Variants in MYLK4 observed in about 807,000 individuals in gnomAD.
MYLK4 encodes the protein caMLCK like.
Under a neutral mutation model 48.1 loss-of-function variants are expected in MYLK4, and 46 were observed. The ratio of observed to expected loss-of-function variants is 0.96; its 90% confidence interval spans 0.75 to 1.22. The LOEUF (loss-of-function observed/expected upper bound fraction) is 1.22. Ranked by LOEUF, MYLK4 falls within the 50% of genes most tolerant of loss-of-function variation. The pLI, the probability that MYLK4 is intolerant of heterozygous loss-of-function variation, is 0.00. For missense variants in MYLK4, 451 were observed against 486.1 expected (o/e 0.93, Z 0.68); for synonymous variants, 170 against 180.8 (o/e 0.94, Z 0.48).
chr6:2,699,873 G>C (rs1484976375), intron 2 of MYLK4, among the ~76,000 whole-genome samples: 1 of 152,120 alleles, frequency 6.6e-6, no homozygotes, highest in East Asian at 1.9e-4. Context: ...TGGGGGTCCA[G>C]GCTGTGGGTC....
At chr6:2,731,220 G>C (rs9405582) in intron 2 of MYLK4, among the ~76,000 whole-genome samples, 18 of 151,920 alleles carry the variant, frequency 1.2e-4, no homozygotes, top group African/African-American at 4.3e-4. Flanking sequence ...TCCCAGGAAT[G>C]AATCCTGGAA....
At chr6:2,702,926 G>T (rs2113219836) in intron 2 of MYLK4, among the ~76,000 whole-genome samples, 1 of 152,284 alleles carries the variant, frequency 6.6e-6, no homozygotes, top group African/African-American at 2.4e-5. Flanking sequence ...GAACTCTTCG[G>T]GTTCTTGTCT....
At chr6:2,715,007 A>G (rs4959706) in intron 2 of MYLK4, among the ~76,000 whole-genome samples, 129,608 of 152,038 alleles carry the variant, frequency 0.85, 55,334 homozygotes, top group Admixed American at 0.89. Flanking sequence ...GCTCACTCCT[A>G]TAATCCCAGC....
Position 2,703,665 on chromosome 6 carries a change from C to CTTTTTTTT in MYLK4, c.160-10814_160-10807dup, listed in dbSNP as rs3055234. ...TCAGGAAGGTTTCCCTTTGTGAATT[C>CTTTTTTTT]TTTTTTTTTTTTTTTTTTTTTTTTG... On this transcript the variant is annotated intron_variant, in intron 2 of 12. Transcript: ENST00000274643. Among the ~76,000 whole-genome samples, 272 of 95,110 alleles carry CTTTTTTTT rather than the reference C, an allele frequency of 2.9e-3. 15 individuals carry two copies. The highest frequency in any genetic ancestry group is 5.8e-3 in the African/African-American group (142 of 24,484). 62.4% of individuals were successfully genotyped at this position (95,110 alleles called of 152,430 possible). A position where few individuals can be genotyped will look rare whatever the true frequency, so the allele number is the denominator to read the frequency against.
upstream of MYLK4, among the ~76,000 whole-genome samples, chr6:2,751,737 T>A (rs560727762): frequency 6.0e-5 from 9 of 149,368 alleles, no homozygotes; most frequent in East Asian, 9.7e-4. Flanking sequence ...CTGCTTCTTT[T>A]AAAAAAAAAA....
upstream of MYLK4, among the ~76,000 whole-genome samples, chr6:2,755,024 T>C (rs17135674): frequency 0.16 from 23,954 of 152,130 alleles, 2,083 homozygotes; most frequent in East Asian, 0.32. Context: ...TGTTATGGAA[T>C]ATCCAGATTT....
chr6:2,753,998 C>CAAAAAA (rs199757208), upstream of MYLK4, among the ~76,000 whole-genome samples: 1 of 105,118 alleles, frequency 9.5e-6, no homozygotes. Context: ...CCATCTCTAC[C>CAAAAAA]AAAAAAAAAA....
At position 2,667,111 on chromosome 6, in the gene MYLK4, T is replaced by TATTTCAAAGGTCAGA. The variant is rs1159527016; in HGVS notation, c.*799_*813dup. 1 of 152,214 alleles carries TATTTCAAAGGTCAGA rather than the reference T, an allele frequency of 6.6e-6. No homozygotes were observed. Among genetic ancestry groups the TATTTCAAAGGTCAGA allele is most frequent in the African/African-American group, 2.4e-5 (1 of 41,440 alleles). 9.4% of individuals were successfully genotyped at this position (152,214 alleles called of 1,614,324 possible). On this transcript the variant is annotated 3_prime_UTR_variant, in exon 13 of 13. Transcript: ENST00000274643. ...GGAAACCTGTTGTGACTGTTGACAT[T>TATTTCAAAGGTCAGA]ATTTCAAAGGTCAGAATTTCAAAGT...
At position 2,672,176 on chromosome 6, in the gene MYLK4, A is replaced by G. The variant is rs553347236; in HGVS notation, c.1120-828T>C. 6.6e-6 allele frequency among the ~76,000 whole-genome samples: 1 copy of G among 152,312 alleles called. No homozygotes were observed. The highest frequency in any genetic ancestry group is 2.1e-4 in the South Asian group (1 of 4,822). Reference sequence around the variant, plus strand: ...AGGCTTCTTAGCTCTGGGGGAAAGAAAACATGTCAAATTTGTGTCGTGTTC... The same window carrying G: ...AGGCTTCTTAGCTCTGGGGGAAAGAGAACATGTCAAATTTGTGTCGTGTTC... On this transcript the variant is annotated intron_variant, in intron 11 of 12. Transcript: ENST00000274643. This position sits in a 1 kb window ranked among gnomAD's most constrained non-coding sequence, Gnocchi z 4.3.
At chr6:2,747,225 T>G (rs545365324) in intron 2 of MYLK4, among the ~76,000 whole-genome samples, 2 of 152,168 alleles carry the variant, frequency 1.3e-5, no homozygotes, top group Non-Finnish European at 2.9e-5. Flanking sequence ...GCAGTCTCAA[T>G]TTTTCCCTCA....
intron 7 of MYLK4, among the ~76,000 whole-genome samples, chr6:2,682,454 T>C (rs894722176): frequency 2.0e-5 from 3 of 152,138 alleles, no homozygotes; most frequent in African/African-American, 7.2e-5. Context: ...TTTCCACCAT[T>C]GGCAGTGGGG....
chr6:2,766,398 A>G, the MYLK4 span: 8 of 1,606,672 alleles, frequency 5.0e-6, no homozygotes, highest in Non-Finnish European at 6.8e-6. Context: ...CTGGAGACCA[A>G]CGAAATCCCC....
At chr6:2,691,749 A>G (rs756834818) in intron 3 of MYLK4, among the ~76,000 whole-genome samples, 4 of 152,222 alleles carry the variant, frequency 2.6e-5, no homozygotes, top group Admixed American at 6.5e-5. Flanking sequence ...ATCTTTGTCT[A>G]CCAGTTGGTA....
chr6:2,704,140 G>A (rs934124219), intron 2 of MYLK4, among the ~76,000 whole-genome samples: 2 of 152,196 alleles, frequency 1.3e-5, no homozygotes, highest in Admixed American at 6.5e-5. Flanking sequence ...GACAAACACT[G>A]ATTGATTGAC....
At chr6:2,724,594 A>C (rs1348472644) in intron 2 of MYLK4, among the ~76,000 whole-genome samples, 1 of 152,236 alleles carries the variant, frequency 6.6e-6, no homozygotes, top group African/African-American at 2.4e-5. Flanking sequence ...CATCCTTCAG[A>C]CTTTTATGAT....
chr6:2,699,075 T>C (rs1490281962), intron 2 of MYLK4, among the ~76,000 whole-genome samples: 2 of 152,064 alleles, frequency 1.3e-5, no homozygotes, highest in Non-Finnish European at 2.9e-5. Flanking sequence ...CACCCACAAT[T>C]ATGTGCACAG....
At position 2,685,276 on chromosome 6, in the gene MYLK4, G is replaced by C; in HGVS notation, c.545+20C>G. On this transcript the variant is annotated intron_variant, in intron 6 of 12. Coordinates refer to ENST00000274643, the MANE Select transcript of MYLK4 (RefSeq NM_001012418.5). This position sits in a 1 kb window ranked among gnomAD's most constrained non-coding sequence, Gnocchi z 4.5. ...GAGTGCCCTTGGGGAGGTCAGGGAG[G>C]GGGCGGAGGGGATACGTACTACTCC... 2.5e-6 allele frequency: 4 copies of C among 1,572,708 alleles called. No individual in the cohort carries two copies. The highest frequency in any genetic ancestry group is 3.5e-6 in the Non-Finnish European group (4 of 1,144,814).
chr6:2,732,735 C>G (rs772790497), intron 2 of MYLK4, among the ~76,000 whole-genome samples: 1 of 151,792 alleles, frequency 6.6e-6, no homozygotes, highest in Admixed American at 6.6e-5. Flanking sequence ...TCCTCTGATG[C>G]CTTAAAACTG....
chr6:2,735,233 A>C (rs996139911), intron 2 of MYLK4, among the ~76,000 whole-genome samples: 1 of 152,204 alleles, frequency 6.6e-6, no homozygotes, highest in African/African-American at 2.4e-5. Flanking sequence ...AAGGGACAGA[A>C]AGCACCCAGA....
Sources: gnomAD v4.1 joint callset for allele counts (sites outside exome capture counted in the v4.1 genomes callset) on GRCh38, gnomAD v4.1.1 for gene constraint, Gnocchi (gnomAD v3.1) non-coding constraint, MANE v1.5 for transcripts, NCBI Gene and HGNC (gene_info 2026-07-23, HGNC 2026-07-21) for gene names.